FOCAD: variants seen among roughly 807,000 people sequenced by gnomAD.
The protein encoded by FOCAD is KIAA1797.
FOCAD carries 198 observed loss-of-function variants against 225.6 expected under a neutral mutation model. The observed-to-expected ratio is 0.88, with a 90% CI of 0.78 to 0.99. FOCAD has a LOEUF of 0.99. Among genes scored for constraint, FOCAD ranks in the 50% least tolerant of loss-of-function variants. FOCAD has a pLI of 0.00. For missense variants in FOCAD, 2,713 were observed against 2,123.6 expected (o/e 1.28, Z -5.46); for synonymous variants, 897 against 755.0 (o/e 1.19, Z -3.08).
chr9:20,929,947 A>G (rs951462410), intron 27 of FOCAD, among the ~76,000 whole-genome samples: 1 of 152,194 alleles, frequency 6.6e-6, no homozygotes, highest in East Asian at 1.9e-4. Flanking sequence ...TTTGTATGGG[A>G]TGAAAATAAC....
In FOCAD at chr9:20,948,920, G is replaced by GTAA; in HGVS notation, c.3870_3872dup (p.Val1290_Met1291insIle). The GTAA allele has an allele frequency of 6.2e-7, 1 of 1,613,344 alleles. No individual in the cohort carries two copies. The highest frequency in any genetic ancestry group is 8.5e-7 in the Non-Finnish European group (1 of 1,179,410). On this transcript the variant is annotated inframe_insertion, in exon 32 of 44. Transcript: ENST00000338382. Reference sequence around the variant, plus strand: ...GGCCTTGGTAGGCTCTGAAGGGGATGTAATGCAGGTAAAGAAAGGAACCAT... The same window carrying GTAA: ...GGCCTTGGTAGGCTCTGAAGGGGATGTAATAATGCAGGTAAAGAAAGGAACCAT...
At chr9:20,783,671 A>G (rs7873988) in intron 10 of FOCAD, among the ~76,000 whole-genome samples, 56,984 of 151,270 alleles carry the variant, frequency 0.38, 11,191 homozygotes, top group African/African-American at 0.45. Flanking sequence ...GTGATATTTA[A>G]AACTACCTAT....
chr9:20,944,899 A>C (rs1258815786), intron 29 of FOCAD, 125 bp downstream of exon 29: 4 of 1,032,774 alleles, frequency 3.9e-6, no homozygotes, highest in Non-Finnish European at 5.5e-6. Flanking sequence ...AGAAAATCTG[A>C]ATGACAAACA....
intron 15 of FOCAD, among the ~76,000 whole-genome samples, chr9:20,840,059 A>C (rs1474679445): frequency 1.2e-4 from 19 of 152,022 alleles, no homozygotes; most frequent in Admixed American, 1.2e-3. Context: ...TTTGGTTACT[A>C]TAGCTTTGTA....
chr9:20,812,100 T>C (rs1226329539), intron 11 of FOCAD, among the ~76,000 whole-genome samples: 1 of 152,052 alleles, frequency 6.6e-6, no homozygotes, highest in Non-Finnish European at 1.5e-5. Flanking sequence ...ATGAGTAAAA[T>C]GTGAACTAAG....
intron 11 of FOCAD, among the ~76,000 whole-genome samples, chr9:20,798,020 C>T (rs559200693): frequency 6.6e-6 from 1 of 152,208 alleles, no homozygotes; most frequent in East Asian, 1.9e-4. Context: ...AGATATGTCC[C>T]ATGAATACCT....
intron 11 of FOCAD, among the ~76,000 whole-genome samples, chr9:20,801,563 C>G (rs1304554820): frequency 6.6e-6 from 1 of 152,026 alleles, no homozygotes; most frequent in South Asian, 2.1e-4. Flanking sequence ...AGAGGCTATA[C>G]CTTGTAAAAA....
chr9:20,901,192 A>ATG (rs71334562), intron 21 of FOCAD, among the ~76,000 whole-genome samples: 5,858 of 105,570 alleles, frequency 0.055, 122 homozygotes, highest in Middle Eastern at 0.071. Flanking sequence ...TGTGGAAACA[A>ATG]TGTGTGTGTG....
At chr9:20,828,686 T>C (rs1464119394) in intron 15 of FOCAD, among the ~76,000 whole-genome samples, 1 of 152,126 alleles carries the variant, frequency 6.6e-6, no homozygotes, top group Non-Finnish European at 1.5e-5. Flanking sequence ...GTGTGTTACA[T>C]AGGTAAACGT....
chr9:20,778,089 C>CAAAAAAAAAAAA (rs1184354592), intron 8 of FOCAD, among the ~76,000 whole-genome samples: 3 of 84,188 alleles, frequency 3.6e-5, no homozygotes, highest in Non-Finnish European at 4.7e-5. Flanking sequence ...GACTCCGTCT[C>CAAAAAAAAAAAA]AAAAAAAAAA....
chr9:20,789,153 C>T (rs1304272020), intron 10 of FOCAD, among the ~76,000 whole-genome samples, 198 bp from the exon 11 acceptor site: 1 of 152,118 alleles, frequency 6.6e-6, no homozygotes, highest in Non-Finnish European at 1.5e-5. Flanking sequence ...TTCTGGAGTT[C>T]CATCTAACAA....
At position 20,946,837 on chromosome 9, in the gene FOCAD, T is replaced by C. The variant is rs768690207; in HGVS notation, c.3675+17T>C. The C allele has an allele frequency of 1.2e-6, 2 of 1,611,990 alleles. No homozygotes were observed. Among genetic ancestry groups the C allele is most frequent in the Non-Finnish European group, 1.7e-6 (2 of 1,178,884 alleles). ...AGCCAGCAGGTTGGAACGTGTGCCC[T>C]GATTATTTCTCTCTGTGGGTCTCAT... On this transcript the variant is annotated intron_variant, in intron 30 of 43. Coordinates refer to ENST00000338382, the MANE Select transcript of FOCAD (RefSeq NM_001375567.1).
chr9:20,758,334 G>A (rs1282358948), intron 6 of FOCAD, 143 bp downstream of exon 6: 2 of 438,034 alleles, frequency 4.6e-6, no homozygotes, highest in Admixed American at 8.1e-5. Context: ...CCATCCTAGA[G>A]CAGGTTGTAG....
chr9:20,734,489 A>G lies in FOCAD; in HGVS notation c.288-5747A>G, dbSNP rs191655043. ...ATTTTTCCACATAGTATGTGATGGT[A>G]ATTTTTCCATGTCACATGCATAAAT... On this transcript the variant is annotated intron_variant, in intron 4 of 43. Coordinates refer to ENST00000338382, the MANE Select transcript of FOCAD (RefSeq NM_001375567.1). Among the ~76,000 whole-genome samples, 329 of 152,260 alleles carry G rather than the reference A, an allele frequency of 2.2e-3. 6 individuals are homozygous for G. Among genetic ancestry groups the G allele is most frequent in the Non-Finnish European group, 5.1e-4 (35 of 68,012 alleles).
intron 11 of FOCAD, among the ~76,000 whole-genome samples, chr9:20,790,938 T>G (rs971241105): frequency 6.6e-6 from 1 of 152,196 alleles, no homozygotes; most frequent in African/African-American, 2.4e-5. Flanking sequence ...AGTGGATCTG[T>G]AATGTACTCA....
At position 20,800,746 on chromosome 9, in the gene FOCAD, C is replaced by A. The variant is rs1180754614; in HGVS notation, c.1455+11138C>A. ...GCTTTGGTTATTCTGGTTAGCCATT[C>A]GTCTAATTTTTTTTCAAGGTTTTTA... On this transcript the variant is annotated intron_variant, in intron 11 of 43. Coordinates refer to ENST00000338382, the MANE Select transcript of FOCAD (RefSeq NM_001375567.1). Among the ~76,000 whole-genome samples the A allele has an allele frequency of 2.0e-5, 3 of 152,030 alleles. No homozygotes were observed. The South Asian group carries it at 6.2e-4, about 32-fold the overall frequency.
rs142510697 is a variant in FOCAD at position 20,741,938 on chromosome 9, T to G, written c.392+1598T>G. ...ATAGGGAAGCTATTGAAGTTTTTAA[T>G]TGAAATTTTTATGTAACAGTTTTAT... is the stretch of plus-strand genomic sequence containing the variant. On this transcript the variant is annotated intron_variant, in intron 5 of 43. Coordinates refer to ENST00000338382, the MANE Select transcript of FOCAD (RefSeq NM_001375567.1). Among the ~76,000 whole-genome samples the G allele has an allele frequency of 2.8e-3, 430 of 152,314 alleles. 1 individual carries two copies. Among genetic ancestry groups the G allele is most frequent in the African/African-American group, 9.9e-3 (413 of 41,568 alleles).
intron 15 of FOCAD, among the ~76,000 whole-genome samples, chr9:20,847,452 T>TG (rs1361977950): frequency 1.3e-5 from 2 of 151,120 alleles, no homozygotes; most frequent in African/African-American, 4.9e-5. Flanking sequence ...TACAGGAAGC[T>TG]GTTTAGTCCA....
At chr9:20,841,654 A>T (rs1010689566) in intron 15 of FOCAD, among the ~76,000 whole-genome samples, 1 of 151,264 alleles carries the variant, frequency 6.6e-6, no homozygotes, top group African/African-American at 2.4e-5. Flanking sequence ...TTCTTTTTTT[A>T]ATTAGTCTGG....
Sources: gnomAD v4.1 joint callset for allele counts (sites outside exome capture counted in the v4.1 genomes callset) on GRCh38, gnomAD v4.1.1 for gene constraint, MANE v1.5 for transcripts, NCBI Gene and HGNC (gene_info 2026-07-23, HGNC 2026-07-21) for gene names.